The following CSRNP3 variants were observed in gnomAD, a reference collection of about 807,000 sequenced individuals.
CSRNP3 encodes cysteine and serine rich nuclear protein 3, also known as cysteine/serine-rich nuclear protein 3.
CSRNP3 carries 12 observed loss-of-function variants against 48.0 expected under a neutral mutation model. The observed-to-expected ratio is 0.25, with a 90% CI of 0.16 to 0.41. The LOEUF (loss-of-function observed/expected upper bound fraction) is 0.41, where lower values mean the gene tolerates loss of function less well. Ranked by LOEUF, CSRNP3 falls within the 10% of genes least tolerant of loss-of-function variation. The pLI, the probability that CSRNP3 is intolerant of heterozygous loss-of-function variation, is 1.00. For missense variants in CSRNP3, 580 were observed against 724.4 expected (o/e 0.80, Z 2.29); for synonymous variants, 263 against 269.7 (o/e 0.98, Z 0.24).
chr2:165,686,700 C>A lies in CSRNP3; in HGVS notation c.*6947C>A, dbSNP rs919965667. 2 of 151,854 alleles carry A rather than the reference C, an allele frequency of 1.3e-5. No individual in the cohort carries two copies. The highest frequency in any genetic ancestry group is 2.9e-5 in the Non-Finnish European group (2 of 67,962). 9.4% of individuals were successfully genotyped at this position (151,854 alleles called of 1,614,324 possible). On this transcript the variant is annotated 3_prime_UTR_variant, in exon 7 of 7. Transcript: ENST00000651982. ...ATTGATTTTAAGATGTAATAGTTGG[C>A]AAAGTCATTTCATTTGTGTCTCAAA...
At chr2:165,575,272 T>C (rs1205360584) in intron 3 of CSRNP3, among the ~76,000 whole-genome samples, 1 of 152,172 alleles carries the variant, frequency 6.6e-6, no homozygotes, top group Non-Finnish European at 1.5e-5. Flanking sequence ...ATTTTTTTAT[T>C]TCTAAAACAT....
chr2:165,618,938 T>C (rs1380950197), intron 4 of CSRNP3, among the ~76,000 whole-genome samples: 1 of 152,214 alleles, frequency 6.6e-6, no homozygotes, highest in East Asian at 1.9e-4. Context: ...TTCGGTAACA[T>C]GCTAGGAATA....
intron 4 of CSRNP3, among the ~76,000 whole-genome samples, chr2:165,637,416 T>C (rs1686649007): frequency 6.6e-6 from 1 of 152,188 alleles, no homozygotes; most frequent in Non-Finnish European, 1.5e-5. Context: ...GCATCACTAA[T>C]GGAGATGGAG....
intron 1 of CSRNP3, among the ~76,000 whole-genome samples, chr2:165,470,532 A>G (rs1214570415): frequency 6.6e-6 from 1 of 152,092 alleles, no homozygotes; most frequent in Admixed American, 6.6e-5. Flanking sequence ...CTAGATAAGA[A>G]TTCCATCAGA....
chr2:165,502,390 A>T (rs1684369572), intron 2 of CSRNP3, among the ~76,000 whole-genome samples: 1 of 151,970 alleles, frequency 6.6e-6, no homozygotes, highest in Non-Finnish European at 1.5e-5. Flanking sequence ...TGTTTTTAAA[A>T]ATCTCTATAT....
intron 4 of CSRNP3, among the ~76,000 whole-genome samples, chr2:165,616,772 T>A (rs1686251560): frequency 6.6e-6 from 1 of 152,212 alleles, no homozygotes; most frequent in Non-Finnish European, 1.5e-5. Flanking sequence ...TGTTTCAGCT[T>A]CTTGTGTTTG....
In CSRNP3 at chr2:165,684,191, A is replaced by T. The variant is rs1263230740; in HGVS notation, c.*4438A>T. Reference sequence around the variant, plus strand: ...ACAGCAAAATCCTGTTGCAAATTCCAAAGACATCACTTTGCAGCAGGTGGA... The same window carrying T: ...ACAGCAAAATCCTGTTGCAAATTCCTAAGACATCACTTTGCAGCAGGTGGA... On this transcript the variant is annotated 3_prime_UTR_variant, in exon 7 of 7. Coordinates refer to ENST00000651982, the MANE Select transcript of CSRNP3 (RefSeq NM_001172173.2). 2.6e-5 allele frequency: 4 copies of T among 152,172 alleles called. No individual in the cohort carries two copies. Among genetic ancestry groups the T allele is most frequent in the Admixed American group, 2.6e-4 (4 of 15,252 alleles). 9.4% of individuals were successfully genotyped at this position (152,172 alleles called of 1,614,324 possible). A position where few individuals can be genotyped will look rare whatever the true frequency, so the allele number is the denominator to read the frequency against.
intron 4 of CSRNP3, among the ~76,000 whole-genome samples, chr2:165,602,592 A>G (rs1685933542): frequency 6.6e-6 from 1 of 152,192 alleles, no homozygotes; most frequent in Non-Finnish European, 1.5e-5. Flanking sequence ...AGTCACTTGG[A>G]TATGCAATAA....
rs190692496 is a variant in CSRNP3, at chr2:165,481,237, G to A, written c.-283+11497G>A. Among the ~76,000 whole-genome samples the A allele has an allele frequency of 3.3e-5, 5 of 152,264 alleles. No homozygotes were observed. The East Asian group carries it at 9.6e-4, about 29-fold the overall frequency. On this transcript the variant is annotated intron_variant, in intron 1 of 6. Transcript: ENST00000651982. ...GTGGAGAAACTGCAGGTATAAAATT[G>A]CACATACTGAGTTAATCAATGCACA...
chr2:165,597,372 A>T (rs551019756), intron 4 of CSRNP3, among the ~76,000 whole-genome samples: 2 of 152,198 alleles, frequency 1.3e-5, no homozygotes, highest in African/African-American at 2.4e-5. Flanking sequence ...AAACATTATA[A>T]GATAATGAGA....
intron 4 of CSRNP3, among the ~76,000 whole-genome samples, chr2:165,625,080 C>T (rs772003987): frequency 2.0e-5 from 3 of 152,128 alleles, no homozygotes; most frequent in Non-Finnish European, 4.4e-5. Flanking sequence ...CATTTCAAAT[C>T]GTGACTCCCA....
rs1194919004 is a variant in CSRNP3, at chr2:165,684,709, T to C, written c.*4956T>C. ...ACAGCACAGCTCATCAGATGTTTTC[T>C]ATAGTAGTAAAGAATTTGATTGACT... is the stretch of plus-strand genomic sequence containing the variant. On this transcript the variant is annotated 3_prime_UTR_variant, in exon 7 of 7. Transcript: ENST00000651982. 2.6e-5 allele frequency: 4 copies of C among 152,100 alleles called. No homozygotes were observed. The highest frequency in any genetic ancestry group is 5.9e-5 in the Non-Finnish European group (4 of 67,996). 9.4% of individuals were successfully genotyped at this position (152,100 alleles called of 1,614,324 possible).
rs753032754 is a variant in CSRNP3 at position 165,668,615 on chromosome 2, T to C, written c.409-7697T>C. On this transcript the variant is annotated intron_variant, in intron 5 of 6. Coordinates refer to ENST00000651982, the MANE Select transcript of CSRNP3 (RefSeq NM_001172173.2). ...CAGGGTTTCACCATGTTGGCCAGTC[T>C]GGTCTTGAACCCCTGAGCTCGTTAT... Among the ~76,000 whole-genome samples the C allele has an allele frequency of 5.3e-5, 8 of 152,064 alleles. No individual in the cohort carries two copies. In the South Asian group the frequency reaches 8.3e-4, roughly 16 times the overall value.
intron 4 of CSRNP3, among the ~76,000 whole-genome samples, chr2:165,631,037 A>G (rs1217930109): frequency 6.6e-6 from 1 of 152,222 alleles, no homozygotes; most frequent in Non-Finnish European, 1.5e-5. Flanking sequence ...CACACTAAAC[A>G]TTATATAACA....
rs758001851 is a variant in CSRNP3, at chr2:165,676,511, G to A, written c.608G>A (p.Arg203Gln). ...GACGTGGAAGAAAAGCACGAACTCC[G>A]AGCCATCCGCCTCTCACGAGAGGAC... is the stretch of plus-strand genomic sequence containing the variant. ...KIDVEEKHEL[R>Q]AIRLSREDCG... The change falls in exon 6 of 7, where the codon CGA becomes CAA. Residue 203 changes from arginine to glutamine, a missense_variant. By Grantham distance (43) the Arg-to-Gln change is conservative. Around this residue, in one of 4 missense-constraint regions of CSRNP3, gnomAD observed 66 missense variants for 137.6 expected, o/e 0.48. Coordinates refer to ENST00000651982, the MANE Select transcript of CSRNP3 (RefSeq NM_001172173.2). 6.2e-6 allele frequency: 10 copies of A among 1,613,974 alleles called. No individual in the cohort carries two copies. The highest frequency in any genetic ancestry group is 5.0e-5 in the Admixed American group (3 of 59,998).
chr2:165,574,163 T>A (rs1685411699), intron 3 of CSRNP3: 2 of 498,088 alleles, frequency 4.0e-6, no homozygotes, highest in Non-Finnish European at 7.1e-6. Context: ...CACAATTCCT[T>A]ACCCAGCATT....
intron 4 of CSRNP3, among the ~76,000 whole-genome samples, chr2:165,628,778 A>C (rs1004513964): frequency 6.6e-6 from 1 of 151,702 alleles, no homozygotes; most frequent in East Asian, 2.0e-4. Flanking sequence ...AACACTAGGG[A>C]TGAGGGGGCC....
chr2:165,520,781 TATTA>T (rs1266437010), intron 3 of CSRNP3, among the ~76,000 whole-genome samples: 45 of 8,814 alleles, frequency 5.1e-3, no homozygotes, highest in Non-Finnish European at 6.6e-3. Flanking sequence ...TATATATATA[TATTA>T]TATATATATA....
chr2:165,566,603 A>G (rs1446344851), intron 3 of CSRNP3, among the ~76,000 whole-genome samples: 1 of 151,958 alleles, frequency 6.6e-6, no homozygotes, highest in Non-Finnish European at 1.5e-5. Context: ...CTTGATAACT[A>G]TTAGCTATTT....
Sources: allele counts gnomAD v4.1 joint callset (sites outside exome capture counted in the v4.1 genomes callset), GRCh38; gene constraint gnomAD v4.1.1; regional missense constraint gnomAD v4.1.1; transcripts MANE v1.5; gene names NCBI Gene and HGNC (gene_info 2026-07-23, HGNC 2026-07-21).